Variants in SGCZ observed in about 807,000 individuals in gnomAD.
SGCZ encodes the protein zeta-sarcoglycan.
SGCZ carries 40 observed loss-of-function variants against 41.3 expected under a neutral mutation model. The ratio of observed to expected loss-of-function variants is 0.97; its 90% confidence interval spans 0.75 to 1.26. The LOEUF (loss-of-function observed/expected upper bound fraction) is 1.26. Among genes scored for constraint, SGCZ ranks in the 50% most tolerant of loss-of-function variants. The pLI is 0.00. For missense variants in SGCZ, 552 were observed against 369.8 expected (o/e 1.49, Z -4.04); for synonymous variants, 206 against 137.5 (o/e 1.50, Z -3.49).
At chr8:15,077,140 A>C (rs769155819) in intron 1 of SGCZ, among the ~76,000 whole-genome samples, 1 of 152,202 alleles carries the variant, frequency 6.6e-6, no homozygotes, top group Non-Finnish European at 1.5e-5. Flanking sequence ...GAATAACAGA[A>C]AAAGTCAGAA....
At chr8:14,810,064 T>A (rs954893470) in intron 1 of SGCZ, among the ~76,000 whole-genome samples, 14 of 152,038 alleles carry the variant, frequency 9.2e-5, no homozygotes, top group Non-Finnish European at 1.5e-5. Context: ...TACCACAGAC[T>A]ATTTTAGAAA....
At chr8:14,253,367 A>T (rs941216573) in intron 3 of SGCZ, among the ~76,000 whole-genome samples, 2 of 152,058 alleles carry the variant, frequency 1.3e-5, no homozygotes, top group African/African-American at 4.8e-5. Context: ...TATTATTATA[A>T]GATAAAAGCA....
At chr8:15,050,099 A>ACACAGACACACC (rs1221991707) in intron 1 of SGCZ, among the ~76,000 whole-genome samples, 1 of 152,192 alleles carries the variant, frequency 6.6e-6, no homozygotes, top group Non-Finnish European at 1.5e-5. Flanking sequence ...ACAGACACAC[A>ACACAGACACACC]TGCACACATA....
At chr8:15,080,523 G>T (rs937941498) in intron 1 of SGCZ, among the ~76,000 whole-genome samples, 1 of 152,130 alleles carries the variant, frequency 6.6e-6, no homozygotes, top group Admixed American at 6.5e-5. Flanking sequence ...CTGGTTTGGA[G>T]ATGGAGCCTT....
intron 2 of SGCZ, among the ~76,000 whole-genome samples, chr8:14,498,845 T>G (rs1170061307): frequency 6.6e-6 from 1 of 152,036 alleles, no homozygotes; most frequent in Non-Finnish European, 1.5e-5. Context: ...GACCCAGATA[T>G]TTACCCTCAT....
intron 1 of SGCZ, among the ~76,000 whole-genome samples, chr8:14,860,731 AAAGAAAGT>A (rs1470797582): frequency 1.8e-4 from 27 of 150,470 alleles, no homozygotes; most frequent in East Asian, 4.0e-4. Flanking sequence ...AGAAAGAAAG[AAAGAAAGT>A]AAGTAAGTAA....
At chr8:14,708,388 C>A (rs1031325326) in intron 1 of SGCZ, among the ~76,000 whole-genome samples, 3 of 151,132 alleles carry the variant, frequency 2.0e-5, no homozygotes, top group Non-Finnish European at 4.4e-5. Context: ...AAAACCAATC[C>A]CAGATGAATA....
intron 1 of SGCZ, among the ~76,000 whole-genome samples, chr8:15,188,542 A>G (rs912171094): frequency 6.6e-6 from 1 of 152,146 alleles, no homozygotes; most frequent in Non-Finnish European, 1.5e-5. Flanking sequence ...ACTCATTGAC[A>G]TGATTCATTT....
At chr8:14,444,105 C>G (rs1203458575) in intron 2 of SGCZ, among the ~76,000 whole-genome samples, 1 of 152,142 alleles carries the variant, frequency 6.6e-6, no homozygotes. Flanking sequence ...ATCAAAACCA[C>G]AATGAGATAC....
intron 2 of SGCZ, among the ~76,000 whole-genome samples, chr8:14,519,612 G>A (rs1802729229): frequency 6.6e-6 from 1 of 152,086 alleles, no homozygotes; most frequent in African/African-American, 2.4e-5. Context: ...AAGAATCAAT[G>A]AAGAATGGAA....
intron 1 of SGCZ, among the ~76,000 whole-genome samples, chr8:14,884,624 G>GA (rs898903409): frequency 6.6e-6 from 1 of 151,884 alleles, no homozygotes; most frequent in African/African-American, 2.4e-5. Context: ...TCTGGATGCA[G>GA]AAAAAATATG....
At chr8:14,473,876 T>G (rs1801282417) in intron 2 of SGCZ, among the ~76,000 whole-genome samples, 1 of 150,196 alleles carries the variant, frequency 6.7e-6, no homozygotes, top group African/African-American at 2.5e-5. Flanking sequence ...AGACAGAGCT[T>G]GCAGTGAGCC....
intron 1 of SGCZ, among the ~76,000 whole-genome samples, chr8:14,943,090 TCA>T (rs1800329920): frequency 6.6e-6 from 1 of 152,152 alleles, no homozygotes; most frequent in Non-Finnish European, 1.5e-5. Flanking sequence ...TCACTAGAAC[TCA>T]CAGAATATAC....
chr8:14,173,456 AT>A (rs1804450586), intron 4 of SGCZ, among the ~76,000 whole-genome samples: 1 of 74,662 alleles, frequency 1.3e-5, no homozygotes, highest in African/African-American at 3.9e-5. Flanking sequence ...GAAAAATTCA[AT>A]ATGTTAAGTG....
intron 1 of SGCZ, among the ~76,000 whole-genome samples, chr8:14,957,796 G>C (rs1800837958): frequency 6.6e-6 from 1 of 152,030 alleles, no homozygotes; most frequent in South Asian, 2.1e-4. Flanking sequence ...GGATGCTGTA[G>C]TTGGAAATAT....
chr8:14,306,805 A>G (rs577347552), intron 3 of SGCZ, among the ~76,000 whole-genome samples: 19 of 152,366 alleles, frequency 1.2e-4, no homozygotes, highest in African/African-American at 3.8e-4. Context: ...TAAATTCAGG[A>G]AAACTTATAA....
intron 2 of SGCZ, among the ~76,000 whole-genome samples, chr8:14,339,471 T>C (rs958733986): frequency 2.6e-5 from 4 of 152,228 alleles, no homozygotes; most frequent in Non-Finnish European, 5.9e-5. Context: ...GACCTCACCA[T>C]CCATGCTCTT....
At chr8:14,193,178 C>G (rs1457224991) in intron 4 of SGCZ, among the ~76,000 whole-genome samples, 1 of 151,816 alleles carries the variant, frequency 6.6e-6, no homozygotes, top group East Asian at 1.9e-4. Context: ...AAATCATAAG[C>G]TACACTACAG....
At chr8:15,086,273 A>G (rs1805945731) in intron 1 of SGCZ, among the ~76,000 whole-genome samples, 1 of 152,212 alleles carries the variant, frequency 6.6e-6, no homozygotes, top group South Asian at 2.1e-4. Context: ...AATCAGGAAA[A>G]TATTCTTGCA....
Sources: allele counts gnomAD v4.1 joint callset (sites outside exome capture counted in the v4.1 genomes callset), GRCh38; gene constraint gnomAD v4.1.1; transcripts MANE v1.5; gene names NCBI Gene and HGNC (gene_info 2026-07-23, HGNC 2026-07-21).